Variants in KHDRBS2 observed in about 807,000 individuals in gnomAD.
KHDRBS2 encodes KH domain-containing, RNA-binding, signal transduction-associated protein 2.
In KHDRBS2, 26 loss-of-function variants were observed where a neutral mutation model predicts 44.3. That is an observed-to-expected ratio of 0.59 (90% CI 0.43 to 0.81). The LOEUF (loss-of-function observed/expected upper bound fraction) is 0.81. Ranked by LOEUF, KHDRBS2 falls within the 40% of genes least tolerant of loss-of-function variation. KHDRBS2 has a pLI of 0.00. For synonymous variants in KHDRBS2, 194 were observed against 151.1 expected (o/e 1.28, Z -2.08); for missense variants, 476 against 433.1 (o/e 1.10, Z -0.88).
chr6:61,693,546 T>C (rs1192629869), intron 8 of KHDRBS2, among the ~76,000 whole-genome samples: 1 of 152,164 alleles, frequency 6.6e-6, no homozygotes, highest in Non-Finnish European at 1.5e-5. Flanking sequence ...GTTAGTAAAA[T>C]AGGTAAATAC....
At chr6:61,816,877 C>A (rs1440083726) in intron 6 of KHDRBS2, 1 of 448,940 alleles carries the variant, frequency 2.2e-6, no homozygotes, top group African/African-American at 2.0e-5. Context: ...CTAATTTAAA[C>A]CATACACTTT....
intron 6 of KHDRBS2, among the ~76,000 whole-genome samples, chr6:61,786,595 A>G (rs1468342619): frequency 1.3e-5 from 2 of 152,022 alleles, no homozygotes; most frequent in African/African-American, 2.4e-5. Context: ...GAAGTGATGA[A>G]CTGAGTAATC....
At chr6:61,578,637 C>T in the KHDRBS2 span, among the ~76,000 whole-genome samples, 3 of 152,072 alleles carry the variant, frequency 2.0e-5, no homozygotes, top group African/African-American at 7.2e-5. Context: ...GTGGGCCTGC[C>T]CCATTGCGTT....
At chr6:61,796,929 G>C (rs1785446906) in intron 6 of KHDRBS2, among the ~76,000 whole-genome samples, 1 of 152,036 alleles carries the variant, frequency 6.6e-6, no homozygotes, top group South Asian at 2.1e-4. Context: ...TAGTGCACTT[G>C]AATTTCCAAG....
At chr6:62,241,619 A>G (rs924995567) in intron 1 of KHDRBS2, among the ~76,000 whole-genome samples, 3 of 152,120 alleles carry the variant, frequency 2.0e-5, no homozygotes, top group African/African-American at 7.2e-5. Context: ...CTAGACCCAG[A>G]TGGTTTGACT....
In KHDRBS2 at chr6:61,954,737, T is replaced by TGC. The variant is rs1562512341; in HGVS notation, c.483+23328_483+23329insGC. 2.4e-3 allele frequency among the ~76,000 whole-genome samples: 266 copies of TGC among 111,526 alleles called. 82 individuals are homozygous for TGC. Among genetic ancestry groups the TGC allele is most frequent in the African/African-American group, 6.1e-3 (191 of 31,458 alleles). 73.2% of individuals were successfully genotyped at this position (111,526 alleles called of 152,430 possible). A position where few individuals can be genotyped will look rare whatever the true frequency, so the allele number is the denominator to read the frequency against. Reference sequence around the variant, plus strand: ...ACATGCATACTTATGTATACATACATATGTGTATATACACATGCATATGTA... The same window carrying TGC: ...ACATGCATACTTATGTATACATACATGCATGTGTATATACACATGCATATGTA... On this transcript the variant is annotated intron_variant, in intron 4 of 8. Transcript: ENST00000281156.
the KHDRBS2 span, among the ~76,000 whole-genome samples, chr6:61,641,016 A>T: frequency 2.0e-5 from 3 of 152,102 alleles, no homozygotes; most frequent in African/African-American, 7.2e-5. Flanking sequence ...AACCACCCCC[A>T]CAAAAGCATA....
intron 3 of KHDRBS2, among the ~76,000 whole-genome samples, chr6:62,042,313 T>G (rs796838749): frequency 1.3e-4 from 20 of 152,250 alleles, no homozygotes; most frequent in African/African-American, 4.6e-4. Flanking sequence ...AGCAAGTTAT[T>G]ATGCTGATTC....
the KHDRBS2 span, among the ~76,000 whole-genome samples, chr6:61,582,884 G>A: frequency 4.6e-5 from 7 of 151,640 alleles, no homozygotes; most frequent in African/African-American, 1.4e-4. Context: ...CTTGCTATAA[G>A]TCTTTTCAAA....
intron 4 of KHDRBS2, among the ~76,000 whole-genome samples, chr6:61,908,979 T>C (rs1406100029): frequency 6.6e-6 from 1 of 152,182 alleles, no homozygotes; most frequent in African/African-American, 2.4e-5. Flanking sequence ...GTTTAATCTA[T>C]GGCTTTGATT....
chr6:62,041,048 A>T (rs2127299537), intron 3 of KHDRBS2, among the ~76,000 whole-genome samples: 1 of 152,218 alleles, frequency 6.6e-6, no homozygotes, highest in Non-Finnish European at 1.5e-5. Flanking sequence ...TAATATTTTT[A>T]GGCCAAGCAC....
At chr6:61,635,544 C>T in the KHDRBS2 span, among the ~76,000 whole-genome samples, 1 of 151,884 alleles carries the variant, frequency 6.6e-6, no homozygotes, top group Non-Finnish European at 1.5e-5. Context: ...TTGCATATCA[C>T]CTGAAATTGA....
intron 3 of KHDRBS2, among the ~76,000 whole-genome samples, chr6:61,984,483 A>G (rs1410119749): frequency 6.6e-6 from 1 of 152,188 alleles, no homozygotes; most frequent in Non-Finnish European, 1.5e-5. Flanking sequence ...TACGTTCTGA[A>G]CATCCATAAT....
intron 2 of KHDRBS2, among the ~76,000 whole-genome samples, chr6:62,121,393 C>T (rs2150082779): frequency 6.6e-6 from 1 of 152,286 alleles, no homozygotes; most frequent in African/African-American, 2.4e-5. Flanking sequence ...TCCTATTTGT[C>T]CTGTTCATAA....
chr6:62,137,969 T>C (rs1309702279), intron 2 of KHDRBS2, among the ~76,000 whole-genome samples: 1 of 152,244 alleles, frequency 6.6e-6, no homozygotes, highest in Non-Finnish European at 1.5e-5. Context: ...TCTTTCCATG[T>C]TTACTGTTCT....
chr6:62,082,546 C>A (rs1458818177), intron 2 of KHDRBS2, among the ~76,000 whole-genome samples: 1 of 152,094 alleles, frequency 6.6e-6, no homozygotes, highest in Non-Finnish European at 1.5e-5. Context: ...ACTTTTATTA[C>A]TACATCTGTC....
At chr6:61,789,183 T>G (rs1303177778) in intron 6 of KHDRBS2, among the ~76,000 whole-genome samples, 1 of 151,444 alleles carries the variant, frequency 6.6e-6, no homozygotes. Flanking sequence ...AAGTTATATA[T>G]CTACTTATTA....
At chr6:62,144,125 G>A (rs1390085855) in intron 2 of KHDRBS2, among the ~76,000 whole-genome samples, 1 of 151,730 alleles carries the variant, frequency 6.6e-6, no homozygotes, top group African/African-American at 2.4e-5. Flanking sequence ...AATTTTACCT[G>A]TGTTTCATAT....
rs535880274 is a variant in KHDRBS2 at position 62,171,086 on chromosome 6, C to T, written c.219+6099G>A. On this transcript the variant is annotated intron_variant, in intron 2 of 8. Coordinates refer to ENST00000281156, the MANE Select transcript of KHDRBS2 (RefSeq NM_152688.4). Reference sequence around the variant, plus strand: ...AGAGTGTCTTCCTACCTCCAAACAACTTAATTAGTTCCCCAACAATGGTTC... The same window carrying T: ...AGAGTGTCTTCCTACCTCCAAACAATTTAATTAGTTCCCCAACAATGGTTC... Among the ~76,000 whole-genome samples the T allele has an allele frequency of 5.5e-4, 84 of 152,010 alleles. 1 individual carries two copies. The highest frequency in any genetic ancestry group is 2.0e-3 in the African/African-American group (83 of 41,496).
Sources: allele counts gnomAD v4.1 joint callset (sites outside exome capture counted in the v4.1 genomes callset), GRCh38; gene constraint gnomAD v4.1.1; transcripts MANE v1.5; gene names NCBI Gene and HGNC (gene_info 2026-07-23, HGNC 2026-07-21).